The following CHST6 variants were observed in gnomAD, a reference collection of about 807,000 sequenced individuals.
The protein encoded by CHST6 is N-acetylglucosamine 6-O-sulfotransferase 5.
For missense variants in CHST6, 698 were observed against 586.2 expected (o/e 1.19, Z -1.97); for synonymous variants, 309 against 276.4 (o/e 1.12, Z -1.17).
rs1208170865 is a variant in CHST6 at position 75,475,127 on chromosome 16, G to A, written c.*3514C>T. ...ATAATGTTCTCTACCCATTCACAAG[G>A]GCATAACCCGCACGGCGTAATTTAC... On this transcript the variant is annotated 3_prime_UTR_variant, in exon 3 of 3. Transcript: ENST00000332272. The A allele has an allele frequency of 2.6e-5, 4 of 154,214 alleles. No individual in the cohort carries two copies. Among genetic ancestry groups the A allele is most frequent in the Non-Finnish European group, 5.8e-5 (4 of 69,412 alleles). 9.6% of individuals were successfully genotyped at this position (154,214 alleles called of 1,614,324 possible).
intron 2 of CHST6, among the ~76,000 whole-genome samples, chr16:75,481,490 G>T (rs1033271137): frequency 6.6e-6 from 1 of 151,782 alleles, no homozygotes; most frequent in African/African-American, 2.4e-5. Context: ...CAGCTAGTTG[G>T]TAGGCTGAGA....
At chr16:75,485,775 T>C (rs372361023) in intron 1 of CHST6, among the ~76,000 whole-genome samples, 7 of 152,314 alleles carry the variant, frequency 4.6e-5, no homozygotes, top group African/African-American at 9.6e-5. Flanking sequence ...GACAATCAAG[T>C]TGGGGACACT....
At position 75,478,119 on chromosome 16, in the gene CHST6, C is replaced by G. The variant is rs770900838; in HGVS notation, c.*522G>C. ...GGTCCTCTCCTATCCACTGGAGACC[C>G]AGAGCAAAAGCTCTCTCCTCCCTTC... On this transcript the variant is annotated 3_prime_UTR_variant, in exon 3 of 3. Transcript: ENST00000332272. 1.0e-4 allele frequency: 19 copies of G among 187,110 alleles called. No homozygotes were observed. The highest frequency in any genetic ancestry group is 2.7e-4 in the Admixed American group (5 of 18,730). The allele number at this position is 187,110 out of a possible 1,614,324, so 11.6% of individuals were successfully genotyped here.
rs374025544 is a variant in CHST6, at chr16:75,488,660, A to T, written c.-92+6280T>A. ...AGAAAGAAGAGAGAAGAAAACAGAAAATGAGACAAAACATAAAGCAGGGAA... is the reference window on the plus strand; with the variant it reads ...AGAAAGAAGAGAGAAGAAAACAGAATATGAGACAAAACATAAAGCAGGGAA... On this transcript the variant is annotated intron_variant, in intron 1 of 2. Transcript: ENST00000332272. 1.3e-5 allele frequency among the ~76,000 whole-genome samples: 2 copies of T among 152,030 alleles called. 1 individual carries two copies. The highest frequency in any genetic ancestry group is 4.8e-5 in the African/African-American group (2 of 41,468).
chr16:75,480,925 T>TC, intron 2 of CHST6, among the ~76,000 whole-genome samples: 1 of 55,468 alleles, frequency 1.8e-5, no homozygotes, highest in East Asian at 4.0e-4. Flanking sequence ...AAAACTTCAT[T>TC]CCAAAAAAAA....
chr16:75,482,216 C>G (rs73608787), intron 1 of CHST6, among the ~76,000 whole-genome samples: 5 of 152,150 alleles, frequency 3.3e-5, no homozygotes, highest in Non-Finnish European at 7.4e-5. Flanking sequence ...CACAGGCCAC[C>G]CTCTGGCCTC....
intron 1 of CHST6, among the ~76,000 whole-genome samples, chr16:75,491,960 G>A (rs1357063809): frequency 6.6e-6 from 1 of 152,218 alleles, no homozygotes; most frequent in Non-Finnish European, 1.5e-5. Context: ...GCTGGGCCAG[G>A]CTGTGGCTGA....
At chr16:75,491,941 G>A (rs2080261427) in intron 1 of CHST6, among the ~76,000 whole-genome samples, 1 of 152,134 alleles carries the variant, frequency 6.6e-6, no homozygotes, top group Non-Finnish European at 1.5e-5. Flanking sequence ...CTCAACACCA[G>A]GACTGTGGGC....
rs1482887002 is a variant in CHST6 at position 75,473,924 on chromosome 16, C to G, written c.*4717G>C. ...CAGTGGCTCATGCCTGTAATCCTAG[C>G]ACATTGGGAGGCCAAGGCAGGTGGA... On this transcript the variant is annotated 3_prime_UTR_variant, in exon 3 of 3. Transcript: ENST00000332272. The G allele has an allele frequency of 6.6e-6, 1 of 152,204 alleles. No homozygotes were observed. The highest frequency in any genetic ancestry group is 6.5e-5 in the Admixed American group (1 of 15,272). The allele number at this position is 152,204 out of a possible 1,614,324, so 9.4% of individuals were successfully genotyped here.
chr16:75,487,247 T>G (rs2080207954), intron 1 of CHST6, among the ~76,000 whole-genome samples: 1 of 152,196 alleles, frequency 6.6e-6, no homozygotes, highest in Non-Finnish European at 1.5e-5. Context: ...TCTGCCTGAT[T>G]TGCAAATAGG....
intron 1 of CHST6, among the ~76,000 whole-genome samples, chr16:75,493,751 T>C (rs780273612): frequency 6.6e-6 from 1 of 152,144 alleles, no homozygotes; most frequent in Non-Finnish European, 1.5e-5. Context: ...CAGATTCAGG[T>C]GCCCCAGTGC....
chr16:75,488,950 G>C (rs763095812), intron 1 of CHST6, among the ~76,000 whole-genome samples: 1 of 151,924 alleles, frequency 6.6e-6, no homozygotes, highest in Non-Finnish European at 1.5e-5. Context: ...TGTTCATGGG[G>C]GGCAGGAACA....
intron 2 of CHST6, among the ~76,000 whole-genome samples, chr16:75,480,927 C>CAA (rs60465949): frequency 0.024 from 2,648 of 111,264 alleles, 154 homozygotes; most frequent in African/African-American, 0.1. Flanking sequence ...AACTTCATTC[C>CAA]AAAAAAAAAA....
intron 1 of CHST6, 123 bp downstream of exon 1, chr16:75,494,817 T>A (rs1329125764): frequency 6.6e-6 from 1 of 152,372 alleles, no homozygotes; most frequent in African/African-American, 2.4e-5. Context: ...CACTCCCAGC[T>A]CTTCCCGCCA....
intron 1 of CHST6, among the ~76,000 whole-genome samples, chr16:75,486,117 G>A (rs2080194779): frequency 6.6e-6 from 1 of 152,168 alleles, no homozygotes; most frequent in Non-Finnish European, 1.5e-5. Context: ...TGCTATGAGT[G>A]CGCAGCCCTG....
chr16:75,493,239 G>A (rs981233960), intron 1 of CHST6, among the ~76,000 whole-genome samples: 1 of 151,932 alleles, frequency 6.6e-6, no homozygotes, highest in Non-Finnish European at 1.5e-5. Flanking sequence ...GGTCAGGTGC[G>A]GTGGCTCACA....
chr16:75,492,615 A>C (rs1042310087), intron 1 of CHST6, among the ~76,000 whole-genome samples: 9 of 152,096 alleles, frequency 5.9e-5, no homozygotes, highest in African/African-American at 2.2e-4. Flanking sequence ...CTGGGAGGCC[A>C]AGACAGGCAG....
chr16:75,487,864 T>C (rs1287838042), intron 1 of CHST6, among the ~76,000 whole-genome samples: 3 of 144,392 alleles, frequency 2.1e-5, no homozygotes, highest in South Asian at 2.2e-4. Flanking sequence ...GGTGTGGTGG[T>C]GGGCACCTGT....
intron 1 of CHST6, among the ~76,000 whole-genome samples, chr16:75,491,165 T>TAA (rs1168619782): frequency 0.019 from 489 of 26,278 alleles, 68 homozygotes; most frequent in Non-Finnish European, 0.029. Context: ...AACTCCGTCT[T>TAA]AAAAAAAAAA....
Sources: allele counts gnomAD v4.1 joint callset (sites outside exome capture counted in the v4.1 genomes callset), GRCh38; gene constraint gnomAD v4.1.1; transcripts MANE v1.5; gene names NCBI Gene and HGNC (gene_info 2026-07-23, HGNC 2026-07-21).